Variants in KLF8 observed in about 807,000 individuals in gnomAD.
KLF8 encodes KLF transcription factor 8.
Under a neutral mutation model 18.2 loss-of-function variants are expected in KLF8, and 10 were observed. The observed-to-expected ratio is 0.55, with a 90% CI of 0.34 to 0.93. The LOEUF is 0.93. Ranked by LOEUF, KLF8 falls within the 40% of genes least tolerant of loss-of-function variation. KLF8 has a pLI of 0.02. For missense variants in KLF8, 264 were observed against 277.9 expected (o/e 0.95, Z 0.36); for synonymous variants, 109 against 97.3 (o/e 1.12, Z -0.71).
At chrX:56,222,843 C>T in the KLF8 span, among the ~76,000 whole-genome samples, 27 of 113,097 alleles carry the variant, frequency 2.4e-4, no homozygotes, top group Non-Finnish European at 1.7e-4. Flanking sequence ...CCGGCGGCTC[C>T]GAGTGCGGGG....
At position 56,286,350 on chromosome X, in the gene KLF8, G is replaced by T. The variant is rs899284837; in HGVS notation, c.*1856G>T. 1 of 110,947 alleles carries T rather than the reference G, an allele frequency of 9.0e-6. No individual in the cohort carries two copies. The highest frequency in any genetic ancestry group is 1.9e-5 in the Non-Finnish European group (1 of 52,975). 9.1% of individuals were successfully genotyped at this position (110,947 alleles called of 1,213,427 possible). On this transcript the variant is annotated 3_prime_UTR_variant, in exon 6 of 6. Transcript: ENST00000468660. ...GTATTATTAGTAGAGATGGGGTTTC[G>T]CCATGTTGGCCAGGCTGGTCTCAAA...
the KLF8 span, among the ~76,000 whole-genome samples, chrX:56,180,731 T>C: frequency 2.7e-5 from 3 of 111,960 alleles, no homozygotes; most frequent in Non-Finnish European, 5.6e-5. Context: ...CTAGTAGTCA[T>C]TCAGGAGCAA....
At chrX:56,172,579 T>C in the KLF8 span, among the ~76,000 whole-genome samples, 1 of 112,023 alleles carries the variant, frequency 8.9e-6, no homozygotes, top group Non-Finnish European at 1.9e-5. Flanking sequence ...TGTGCATGTG[T>C]CTTTATAGCA....
the KLF8 span, among the ~76,000 whole-genome samples, chrX:56,000,478 G>GC: frequency 1.4e-5 from 1 of 70,327 alleles, no homozygotes; most frequent in Non-Finnish European, 2.5e-5. Flanking sequence ...TTTTTCTTGG[G>GC]GGGGGGGGGA....
chrX:56,185,851 C>T, the KLF8 span, among the ~76,000 whole-genome samples: 1 of 111,538 alleles, frequency 9.0e-6, no homozygotes, highest in South Asian at 3.7e-4. Flanking sequence ...ACCAGGCCTG[C>T]CCTAAAAGAG....
the KLF8 span, among the ~76,000 whole-genome samples, chrX:56,147,651 A>G: frequency 9.0e-6 from 1 of 111,699 alleles, no homozygotes; most frequent in Non-Finnish European, 1.9e-5. Context: ...TAAATGGTAT[A>G]AGGTTTATTT....
chrX:56,227,874 AACACACAC>A (rs72391707), upstream of KLF8, among the ~76,000 whole-genome samples: 110 of 85,508 alleles, frequency 1.3e-3, no homozygotes, highest in African/African-American at 2.9e-3. Context: ...CCCTAGCCCC[AACACACAC>A]ACACACACAC....
chrX:56,218,314 G>A, the KLF8 span, among the ~76,000 whole-genome samples: 1 of 110,867 alleles, frequency 9.0e-6, no homozygotes, highest in South Asian at 3.9e-4. Context: ...CAAGAGGTCC[G>A]GGTTAGAGTG....
the KLF8 span, among the ~76,000 whole-genome samples, chrX:55,910,245 A>G: frequency 8.0e-5 from 9 of 112,046 alleles, no homozygotes; most frequent in East Asian, 2.5e-3. Context: ...TTTGACAATT[A>G]CATACTGAGA....
intron 5 of KLF8, among the ~76,000 whole-genome samples, chrX:56,279,139 G>A (rs1234481337): frequency 9.0e-6 from 1 of 111,133 alleles, no homozygotes; most frequent in African/African-American, 3.3e-5. Context: ...GTGGTCATCT[G>A]ATTTTTCGTT....
the KLF8 span, among the ~76,000 whole-genome samples, chrX:56,206,293 C>T: frequency 1.8e-5 from 2 of 111,090 alleles, no homozygotes; most frequent in Non-Finnish European, 3.8e-5. Context: ...AACAGTCCCC[C>T]AAAATCTTAA....
At chrX:56,253,764 C>CTTTTTTTTTTTTTTTTTTTTTTTTTTTT (rs60291877) in intron 2 of KLF8, among the ~76,000 whole-genome samples, 1 of 60,115 alleles carries the variant, frequency 1.7e-5, no homozygotes, top group African/African-American at 7.2e-5. Flanking sequence ...TTTTCTTTTT[C>CTTTTTTTTTTTTTTTTTTTTTTTTTTTT]TTTTTTTTTT....
chrX:56,240,895 G>A (rs2066535286), intron 1 of KLF8, among the ~76,000 whole-genome samples: 1 of 111,549 alleles, frequency 9.0e-6, no homozygotes, highest in Non-Finnish European at 1.9e-5. Flanking sequence ...GGGCAATTGT[G>A]AAAATTAAAT....
At chrX:55,916,101 C>T in the KLF8 span, among the ~76,000 whole-genome samples, 4 of 111,868 alleles carry the variant, frequency 3.6e-5, no homozygotes, top group Admixed American at 3.8e-4. Context: ...ATTGACCAGG[C>T]TTGAGCCAGC....
the KLF8 span, among the ~76,000 whole-genome samples, chrX:56,215,158 A>G: frequency 8.9e-6 from 1 of 111,787 alleles, no homozygotes; most frequent in African/African-American, 3.2e-5. Flanking sequence ...TCAATTAAGC[A>G]TCTCATATTA....
At chrX:55,961,286 G>T in the KLF8 span, 4 of 373,984 alleles carry the variant, frequency 1.1e-5, no homozygotes, top group South Asian at 2.9e-5. Flanking sequence ...CACAGCCTCT[G>T]CCAGAGGTCC....
the KLF8 span, among the ~76,000 whole-genome samples, chrX:56,043,018 G>A: frequency 8.9e-6 from 1 of 111,790 alleles, no homozygotes; most frequent in Non-Finnish European, 1.9e-5. Context: ...TGGTGTTAAT[G>A]AACTTCCTCA....
At chrX:56,035,841 T>C in the KLF8 span, among the ~76,000 whole-genome samples, 3 of 112,062 alleles carry the variant, frequency 2.7e-5, no homozygotes, top group Non-Finnish European at 5.6e-5. Flanking sequence ...GCTGTTGAGA[T>C]GTTTGAGTTT....
chrX:55,957,470 T>C, the KLF8 span, among the ~76,000 whole-genome samples: 1 of 112,008 alleles, frequency 8.9e-6, no homozygotes, highest in South Asian at 3.7e-4. Context: ...AATCTGTAGA[T>C]TGCTTTGAGT....
Sources: allele counts gnomAD v4.1 joint callset (sites outside exome capture counted in the v4.1 genomes callset), GRCh38; gene constraint gnomAD v4.1.1; transcripts MANE v1.5; gene names NCBI Gene and HGNC (gene_info 2026-07-23, HGNC 2026-07-21).